ASB6: variants seen among roughly 807,000 people sequenced by gnomAD.
ASB6 encodes ankyrin repeat and SOCS box containing 6.
ASB6 carries 24 observed loss-of-function variants against 28.6 expected under a neutral mutation model. The ratio of observed to expected loss-of-function variants is 0.84; its 90% CI spans 0.61 to 1.18. The LOEUF is 1.18. ASB6 is among the 50% of genes most tolerant of loss of function. The probability of loss-of-function intolerance (pLI) is 0.00; values close to 1 mark genes in which losing one functional copy is unlikely to be tolerated. For synonymous variants in ASB6, 267 were observed against 243.4 expected, an observed-to-expected ratio of 1.10 and a Z score of -0.90; for missense variants, 519 against 559.8, an observed-to-expected ratio of 0.93 and a Z score of 0.74.
In ASB6 at chr9:129,638,576, C is replaced by T; in HGVS notation, c.595G>A (p.Gly199Arg). 6.2e-6 allele frequency: 10 copies of T among 1,613,980 alleles called. No homozygotes were observed. The highest frequency in any genetic ancestry group is 7.6e-6 in the Non-Finnish European group (9 of 1,179,928). The change falls in exon 5 of 6, where the codon GGA becomes AGA. Residue 199 changes from glycine to arginine, a missense_variant. Physicochemically the swap from Gly to Arg is moderately radical, Grantham distance 125. Coordinates refer to ENST00000277458, the MANE Select transcript of ASB6 (RefSeq NM_017873.4). The part of the protein sequence containing the change: ...NTENIRLLLE[G>R]GADVKATTKD... ...CCTAGGAGCGCGCCAGCCTCACCTC[C>T]TTCCAGTAAGAGACGAATGTTCTCA... is the stretch of plus-strand genomic sequence containing the variant.
At position 129,634,966 on chromosome 9, in the gene ASB6, C is replaced by G. The variant is rs1831440421; in HGVS notation, c.*2824G>C. On this transcript the variant is annotated 3_prime_UTR_variant, in exon 6 of 6. Coordinates refer to ENST00000277458, the MANE Select transcript of ASB6 (RefSeq NM_017873.4). ...GTAGGTATCAGGCAGGACTTGTAAG[C>G]CATCCCGTCAAGTCAAATTCTGGCT... is the stretch of plus-strand genomic sequence containing the variant. 1 of 537,826 alleles carries G rather than the reference C, an allele frequency of 1.9e-6. No individual in the cohort carries two copies. 33.3% of individuals were successfully genotyped at this position (537,826 alleles called of 1,614,324 possible).
Position 129,635,013 on chromosome 9 carries a change from AC to A in ASB6, c.*2776del, listed in dbSNP as rs1477861154. 1.4e-5 allele frequency: 9 copies of A among 641,120 alleles called. No individual in the cohort carries two copies. In the East Asian group the frequency reaches 2.5e-4, roughly 18 times the overall value. The allele number at this position is 641,120 out of a possible 1,614,324, so 39.7% of individuals were successfully genotyped here. A position where few individuals can be genotyped will look rare whatever the true frequency, so the allele number is the denominator to read the frequency against. On this transcript the variant is annotated 3_prime_UTR_variant, in exon 6 of 6. Transcript: ENST00000277458. ...GGCTTAATGTGTCTTTAGGTAGATG[AC>A]CTCTGAGCCACAGTTTCCTATTCTA...
intron 1 of ASB6, 105 bp downstream of exon 1, chr9:129,641,782 C>T (rs1053086673): frequency 3.3e-6 from 4 of 1,195,818 alleles, no homozygotes; most frequent in African/African-American, 1.6e-5. Flanking sequence ...CCCGTCCCTT[C>T]CTCTGTCAAG....
At position 129,637,113 on chromosome 9, in the gene ASB6, A is replaced by G. The variant is rs555313439; in HGVS notation, c.*677T>C. 1 of 152,192 alleles carries G rather than the reference A, an allele frequency of 6.6e-6. No individual in the cohort carries two copies. The highest frequency in any genetic ancestry group is 6.5e-5 in the Admixed American group (1 of 15,286). 9.4% of individuals were successfully genotyped at this position (152,192 alleles called of 1,614,324 possible). On this transcript the variant is annotated 3_prime_UTR_variant, in exon 6 of 6. Transcript: ENST00000277458. ...GTCTGTCCCCAGCCACGCACTCATG[A>G]TTGCTTTTTAGCAGAAGTCATGGTC...
In ASB6 at chr9:129,634,912, A is replaced by T. The variant is rs1831435801; in HGVS notation, c.*2878T>A. On this transcript the variant is annotated 3_prime_UTR_variant, in exon 6 of 6. Coordinates refer to ENST00000277458, the MANE Select transcript of ASB6 (RefSeq NM_017873.4). ...AGCCCAGGTTCACTCCTCCGATCCA[A>T]GCCTGGCAGGGGTGGGGCATCATGG... 9.8e-6 allele frequency: 4 copies of T among 406,416 alleles called. No homozygotes were observed. The South Asian group carries it at 1.2e-4, about 12-fold the overall frequency. 25.2% of individuals were successfully genotyped at this position (406,416 alleles called of 1,614,324 possible).
rs1415819653 is a variant in ASB6, at chr9:129,635,138, A to AAGT, written c.*2649_*2651dup. 1.3e-6 allele frequency: 2 copies of AAGT among 1,542,488 alleles called. No individual in the cohort carries two copies. The highest frequency in any genetic ancestry group is 1.7e-6 in the Non-Finnish European group (2 of 1,144,424). On this transcript the variant is annotated 3_prime_UTR_variant, in exon 6 of 6. Transcript: ENST00000277458. The stretch of plus-strand genomic sequence containing the variant: ...AAATGAGGGGCTCAGCGGGGCTGAG[A>AAGT]AGTACATCCCATCCAGTGCCGACAT...
At chr9:129,641,849 G>A (rs761958984) in intron 1 of ASB6, 38 bp downstream of exon 1, 2 of 1,551,940 alleles carry the variant, frequency 1.3e-6, no homozygotes, top group South Asian at 1.2e-5. Context: ...TGCGGGGTCG[G>A]AGCGGCCTCG....
intron 4 of ASB6, 74 bp downstream of exon 4, chr9:129,639,128 C>T (rs902890803): frequency 7.0e-7 from 1 of 1,436,574 alleles, no homozygotes; most frequent in Admixed American, 2.1e-5. Flanking sequence ...AGCTGTTGTC[C>T]TGGGGCACCC....
At chr9:129,640,455 G>A in intron 2 of ASB6, 86 bp downstream of exon 2, 4 of 1,498,150 alleles carry the variant, frequency 2.7e-6, no homozygotes, top group Non-Finnish European at 2.7e-6. Context: ...TCAGAGGATG[G>A]TAGAAGCCAA....
In ASB6 at chr9:129,634,605, G is replaced by A. The variant is rs1322687855; in HGVS notation, c.*3185C>T. ...AATAACTTACTGCATTCAAAGTGAG[G>A]AGTTTTATAAGGGTTTTATTTTTAA... On this transcript the variant is annotated 3_prime_UTR_variant, in exon 6 of 6. Transcript: ENST00000277458. 1 of 345,998 alleles carries A rather than the reference G, an allele frequency of 2.9e-6. No individual in the cohort carries two copies. The highest frequency in any genetic ancestry group is 2.2e-5 in the African/African-American group (1 of 45,188). The allele number at this position is 345,998 out of a possible 1,614,324, so 21.4% of individuals were successfully genotyped here.
chr9:129,641,113 C>A, intron 1 of ASB6: 1 of 223,488 alleles, frequency 4.5e-6, no homozygotes, highest in Non-Finnish European at 8.9e-6. Flanking sequence ...CCCGCAGGAC[C>A]CCAGCCCCGG....
Position 129,639,408 on chromosome 9 carries a change from C to T in ASB6, c.396G>A (p.Arg132=), listed in dbSNP as rs766648586. The part of the protein sequence containing the change: ...LVHHGADVNR[R]DRIHESSPLD... Reference sequence around the variant, plus strand: ...AGCTGGACCTGGCACTTACCCGGTCCCTCCGATTAACGTCGGCCCCGTGAT... The same window carrying T: ...AGCTGGACCTGGCACTTACCCGGTCTCTCCGATTAACGTCGGCCCCGTGAT... The change falls in exon 3 of 6, where the codon AGG becomes AGA. Residue 132 remains arginine, a synonymous_variant. Transcript: ENST00000277458. The T allele has an allele frequency of 6.2e-7, 1 of 1,610,214 alleles. No individual in the cohort carries two copies. Among genetic ancestry groups the T allele is most frequent in the Non-Finnish European group, 8.5e-7 (1 of 1,177,100 alleles).
At chr9:129,641,733 G>T (rs1831706375) in intron 1 of ASB6, among the ~76,000 whole-genome samples, 154 bp downstream of exon 1, 1 of 152,154 alleles carries the variant, frequency 6.6e-6, no homozygotes, top group African/African-American at 2.4e-5. Flanking sequence ...GATCCGCGCG[G>T]GGCAGCGCGC....
Position 129,638,098 on chromosome 9 carries a change from C to T in ASB6, c.958G>A (p.Ala320Thr), listed in dbSNP as rs1831600533. The T allele has an allele frequency of 6.2e-7, 1 of 1,614,192 alleles. No individual in the cohort carries two copies. Among genetic ancestry groups the T allele is most frequent in the African/African-American group, 1.3e-5 (1 of 75,052 alleles). ...HPGCTEDESH[A>T]DLLRKAETVL... ...GTCTCAGCTTTGCGCAGGAGGTCCGCATGGCTCTCGTCTTCCGTGCAGCCT... is the reference window on the plus strand; with the variant it reads ...GTCTCAGCTTTGCGCAGGAGGTCCGTATGGCTCTCGTCTTCCGTGCAGCCT... Residue 320 changes from alanine to threonine, a missense_variant, in exon 6 of 6, where the codon GCG (alanine) becomes ACG (threonine). Ala to Thr is a moderately conservative substitution (Grantham distance 58). Coordinates refer to ENST00000277458, the MANE Select transcript of ASB6 (RefSeq NM_017873.4).
rs748789067 is a variant in ASB6 at position 129,642,008 on chromosome 9, G to A, written c.-9C>T. 1.0e-5 allele frequency: 16 copies of A among 1,590,162 alleles called. No individual in the cohort carries two copies. The highest frequency in any genetic ancestry group is 6.9e-5 in the Admixed American group (4 of 57,968). On this transcript the variant is annotated 5_prime_UTR_variant, in exon 1 of 6. Coordinates refer to ENST00000277458, the MANE Select transcript of ASB6 (RefSeq NM_017873.4). The surrounding 1 kb of genome is among the most constrained non-coding windows in gnomAD (Gnocchi z 4.3). ...CCGTGCAGGAACGGCATCGCCGCGG[G>A]CCCCGCGCAGCAGGGCCGTCGCGCT...
intron 4 of ASB6, 32 bp from the exon 5 acceptor site, chr9:129,638,691 G>T: frequency 6.3e-7 from 1 of 1,590,664 alleles, no homozygotes; most frequent in Non-Finnish European, 8.6e-7. Context: ...GGAGGAGCAG[G>T]AGGCCAGGAA....
At position 129,635,201 on chromosome 9, in the gene ASB6, T is replaced by TC; in HGVS notation, c.*2588dup. 2 of 1,603,496 alleles carry TC rather than the reference T, an allele frequency of 1.2e-6. No individual in the cohort carries two copies. The highest frequency in any genetic ancestry group is 1.7e-6 in the Non-Finnish European group (2 of 1,177,378). On this transcript the variant is annotated 3_prime_UTR_variant, in exon 6 of 6. Transcript: ENST00000277458. ...TGCCCTGGTAACCTTGCCTCTGCCC[T>TC]CCCCAGGCCACCTCACCGATCAGCA...
intron 1 of ASB6, chr9:129,641,275 C>T (rs1307789592): frequency 1.3e-5 from 2 of 155,846 alleles, no homozygotes; most frequent in South Asian, 3.4e-4. Context: ...CAACTGACAA[C>T]CCCCTCAACA....
chr9:129,639,548 C>T (rs777083855), intron 2 of ASB6, 40 bp from the exon 3 acceptor site: 12 of 1,561,768 alleles, frequency 7.7e-6, no homozygotes, highest in African/African-American at 2.7e-5. Flanking sequence ...CCTATCTGTC[C>T]GCATTCTTAT....
Sources: gnomAD v4.1 joint callset for allele counts (sites outside exome capture counted in the v4.1 genomes callset) on GRCh38, gnomAD v4.1.1 for gene constraint, Gnocchi (gnomAD v3.1) non-coding constraint, MANE v1.5 for transcripts, NCBI Gene and HGNC (gene_info 2026-07-23, HGNC 2026-07-21) for gene names.